The following WDR45 variants were observed in gnomAD, a reference collection of about 807,000 sequenced individuals.
WDR45 encodes WD repeat domain phosphoinositide-interacting protein 4.
WDR45 carries 2 observed loss-of-function variants against 27.3 expected under a neutral mutation model. The ratio of observed to expected loss-of-function variants is 0.07; its 90% CI spans 0.03 to 0.23. WDR45 has a LOEUF of 0.23. Ranked by LOEUF, WDR45 falls within the 10% of genes least tolerant of loss-of-function variation. WDR45 has a pLI of 1.00. For missense variants in WDR45, 175 were observed against 311.9 expected (o/e 0.56, Z 3.31); for synonymous variants, 99 against 119.2 (o/e 0.83, Z 1.11).
chrX:49,083,316 G>GTT (rs781995765), upstream of WDR45, among the ~76,000 whole-genome samples: 1,160 of 71,982 alleles, frequency 0.016, 47 homozygotes, highest in African/African-American at 0.063. Flanking sequence ...CCGGCCTCTC[G>GTT]TTTTTTTTTT....
upstream of WDR45, among the ~76,000 whole-genome samples, chrX:49,081,673 C>G (rs782393917): frequency 1.9e-5 from 2 of 105,915 alleles, no homozygotes; most frequent in African/African-American, 6.9e-5. Flanking sequence ...GCCTGGGAGA[C>G]GAGCGAAATT....
chrX:49,075,068 C>A, intron 10 of WDR45, 68 bp downstream of exon 10: 1 of 1,187,868 alleles, frequency 8.4e-7, no homozygotes, highest in Non-Finnish European at 1.1e-6. Flanking sequence ...CCCTAAAATC[C>A]TTTCAGGTCC....
chrX:49,096,202 AGTC>A (rs1557087276), intron 2 of WDR45, among the ~76,000 whole-genome samples: 4 of 110,990 alleles, frequency 3.6e-5, no homozygotes, highest in Non-Finnish European at 5.7e-5. Context: ...TCTTCCCCCA[AGTC>A]CAAGCATCAT....
chrX:49,082,517 C>T (rs1410527414), upstream of WDR45, among the ~76,000 whole-genome samples: 1 of 110,986 alleles, frequency 9.0e-6, no homozygotes. Flanking sequence ...TCTTCAGACT[C>T]CACTTCCTCA....
At chrX:49,083,716 G>A (rs2065077233), upstream of WDR45, among the ~76,000 whole-genome samples, 1 of 109,760 alleles carries the variant, frequency 9.1e-6, no homozygotes, top group Admixed American at 9.8e-5. Flanking sequence ...GGGAGGGCGA[G>A]GTGGGCGGAT....
intron 2 of WDR45, among the ~76,000 whole-genome samples, chrX:49,093,346 G>A (rs973366835): frequency 2.8e-5 from 3 of 107,224 alleles, no homozygotes; most frequent in Non-Finnish European, 3.9e-5. Flanking sequence ...GCAATGGCAC[G>A]ACCTCAGCTC....
chrX:49,078,214 G>A, intron 1 of WDR45, 102 bp from the exon 2 acceptor site: 5 of 791,216 alleles, frequency 6.3e-6, no homozygotes, highest in Non-Finnish European at 9.3e-6. Context: ...ACTGACTCTG[G>A]AGTGACTGCA....
intron 2 of WDR45, among the ~76,000 whole-genome samples, chrX:49,096,315 C>T (rs2065125528): frequency 9.0e-6 from 1 of 111,006 alleles, no homozygotes; most frequent in Non-Finnish European, 1.9e-5. Context: ...ATTGCAGTCT[C>T]AACCTCCTGA....
chrX:49,076,804 C>T (rs1557084344), intron 4 of WDR45, 54 bp from the exon 5 acceptor site: 1 of 1,022,970 alleles, frequency 9.8e-7, no homozygotes, highest in Non-Finnish European at 1.4e-6. Context: ...AAGGGGCAGC[C>T]CTGGTGACAC....
At chrX:49,083,077 A>C (rs2065073873), upstream of WDR45, among the ~76,000 whole-genome samples, 1 of 110,623 alleles carries the variant, frequency 9.0e-6, no homozygotes, top group Non-Finnish European at 1.9e-5. Flanking sequence ...ACGGGGTTTC[A>C]CCATGTTGGT....
intron 6 of WDR45, 85 bp downstream of exon 6, chrX:49,076,345 G>A: frequency 1.0e-6 from 1 of 963,235 alleles, no homozygotes; most frequent in Non-Finnish European, 1.5e-6. Context: ...GTGTGTGAGT[G>A]CCCCTTCCTT....
chrX:49,096,605 G>A (rs782163734), intron 2 of WDR45, among the ~76,000 whole-genome samples: 2 of 111,834 alleles, frequency 1.8e-5, no homozygotes, highest in Non-Finnish European at 3.8e-5. Flanking sequence ...GTTGAATAGG[G>A]TCTTGCTCTG....
At chrX:49,078,544 CAG>C (rs1368463806) in intron 1 of WDR45, among the ~76,000 whole-genome samples, 1 of 111,686 alleles carries the variant, frequency 9.0e-6, no homozygotes, top group Non-Finnish European at 1.9e-5. Flanking sequence ...AAGATAAAAA[CAG>C]AGAGTCCCAG....
intron 2 of WDR45, among the ~76,000 whole-genome samples, chrX:49,091,488 G>A (rs1557086623): frequency 9.4e-6 from 1 of 106,124 alleles, no homozygotes; most frequent in Non-Finnish European, 1.9e-5. Flanking sequence ...GGTGGCTCAC[G>A]CCTGTAATCC....
At chrX:49,078,741 C>T (rs1339132749) in intron 1 of WDR45, among the ~76,000 whole-genome samples, 3 of 112,534 alleles carry the variant, frequency 2.7e-5, no homozygotes, top group Non-Finnish European at 5.6e-5. Flanking sequence ...CTCCCCACCG[C>T]CAGCCAATCT....
Position 49,099,450 on chromosome X carries a change from AAG to A in WDR45, c.-18+753_-18+754del, listed in dbSNP as rs1284826931. On this transcript the variant is annotated intron_variant, in intron 2 of 11. Transcript: ENST00000356463. ...CAACCTTTTTCCTCATTCCTGAGAA[AAG>A]AGGGATAAAATAACAATCTAAGAGA... is the stretch of plus-strand genomic sequence containing the variant. Among the ~76,000 whole-genome samples, 4 of 111,818 alleles carry A rather than the reference AAG, an allele frequency of 3.6e-5. No individual in the cohort carries two copies. In the Admixed American group the frequency reaches 3.8e-4, roughly 11 times the overall value.
intron 1 of WDR45, chrX:49,100,842 G>T (rs1453577017): frequency 8.9e-6 from 1 of 112,877 alleles, no homozygotes; most frequent in Non-Finnish European, 1.9e-5. Flanking sequence ...TGCGATTTAT[G>T]GTGCGAGGAA....
At chrX:49,083,316 GTT>G (rs781995765), upstream of WDR45, among the ~76,000 whole-genome samples, 3 of 72,025 alleles carry the variant, frequency 4.2e-5, no homozygotes, top group South Asian at 6.4e-4. Flanking sequence ...CCGGCCTCTC[GTT>G]TTTTTTTTTT....
intron 2 of WDR45, among the ~76,000 whole-genome samples, chrX:49,090,220 C>A (rs1353669505): frequency 9.1e-6 from 1 of 110,315 alleles, no homozygotes; most frequent in Admixed American, 9.7e-5. Context: ...CCTGCCACCG[C>A]GCCCGGCTAT....
Sources: allele counts gnomAD v4.1 joint callset (sites outside exome capture counted in the v4.1 genomes callset), GRCh38; gene constraint gnomAD v4.1.1; transcripts MANE v1.5; gene names NCBI Gene and HGNC (gene_info 2026-07-23, HGNC 2026-07-21).